MITF: variants seen among roughly 807,000 people sequenced by gnomAD.
The protein encoded by MITF is microphthalmia-associated transcription factor.
In MITF, 17 loss-of-function variants were observed where a neutral mutation model predicts 60.5. The observed-to-expected ratio is 0.28, with a 90% CI of 0.19 to 0.42. The LOEUF (loss-of-function observed/expected upper bound fraction) is 0.42, where lower values mean the gene tolerates loss of function less well. Among genes scored for constraint, MITF ranks in the 10% least tolerant of loss-of-function variants. The pLI is 1.00. For synonymous variants in MITF, 260 were observed against 248.5 expected (o/e 1.05, Z -0.43); for missense variants, 622 against 683.5 (o/e 0.91, Z 1.00).
intron 1 of MITF, among the ~76,000 whole-genome samples, chr3:69,865,443 G>T (rs2064094800): frequency 1.3e-5 from 2 of 152,184 alleles, no homozygotes; most frequent in South Asian, 4.1e-4. Context: ...GGAGCTGCAT[G>T]AATATTTGAT....
At chr3:69,800,587 G>A (rs2062903686) in intron 1 of MITF, among the ~76,000 whole-genome samples, 1 of 152,042 alleles carries the variant, frequency 6.6e-6, no homozygotes, top group Non-Finnish European at 1.5e-5. Flanking sequence ...ATGTGTCAGG[G>A]TGCCAGTTTT....
intron 1 of MITF, among the ~76,000 whole-genome samples, chr3:69,786,351 C>T (rs1336939946): frequency 9.9e-5 from 15 of 152,142 alleles, no homozygotes; most frequent in African/African-American, 4.8e-5. Flanking sequence ...GTCTGCTTTA[C>T]GGGATTGTTG....
intron 2 of MITF, among the ~76,000 whole-genome samples, chr3:69,906,345 G>T (rs750873830): frequency 1.3e-5 from 2 of 152,088 alleles, no homozygotes; most frequent in Admixed American, 6.5e-5. Context: ...CTCTTGATTA[G>T]TGTAGCAAGT....
intron 1 of MITF, among the ~76,000 whole-genome samples, chr3:69,744,819 T>C (rs1258664863): frequency 6.6e-6 from 1 of 152,224 alleles, no homozygotes; most frequent in African/African-American, 2.4e-5. Context: ...GTATCTTTCA[T>C]TTAATCATAA....
chr3:69,941,250 C>T lies in MITF; in HGVS notation c.681C>T (p.Ile227=), dbSNP rs199805128. 1.2e-5 allele frequency: 20 copies of T among 1,609,964 alleles called. No homozygotes were observed. Among genetic ancestry groups the T allele is most frequent in the African/African-American group, 2.7e-5 (2 of 74,888 alleles). ...TTTTCCTACAGATGGATGATGTAAT[C>T]GATGACATCATTAGCCTAGAATCAA... is the stretch of plus-strand genomic sequence containing the variant. ...RASCMQMDDV[I]DDIISLESSY... is the part of the protein sequence containing the mutation. Residue 227 remains isoleucine (I), a synonymous_variant, in exon 5 of 10, where the codon ATC becomes ATT. Transcript: ENST00000352241.
chr3:69,921,433 T>G (rs1204538079), intron 2 of MITF, among the ~76,000 whole-genome samples: 1 of 152,194 alleles, frequency 6.6e-6, no homozygotes, highest in Non-Finnish European at 1.5e-5. Context: ...ACATTAGAAT[T>G]GTTCAGCTTC....
At chr3:69,741,063 C>T (rs969282637) in intron 1 of MITF, among the ~76,000 whole-genome samples, 2 of 152,184 alleles carry the variant, frequency 1.3e-5, no homozygotes, top group African/African-American at 4.8e-5. Flanking sequence ...GCTGAAGACT[C>T]TTTGTAGATG....
chr3:69,964,850 C>T lies in MITF; in HGVS notation c.1183C>T (p.Leu395Phe), dbSNP rs1168723605. ...TTTATCTTTACTCTTATTATAGGAA[C>T]TTGAAATGCAGGCTCGAGCTCATGG... ...NRHLLLRIQE[L>F]EMQARAHGLS... is the part of the protein sequence containing the mutation. The change falls in exon 10 of 10, where the codon CTT (leucine) becomes TTT (phenylalanine). Residue 395 changes from leucine to phenylalanine, a missense_variant. Leu to Phe is a conservative substitution (Grantham distance 22, BLOSUM62 0). Coordinates refer to ENST00000352241, the MANE Select transcript of MITF (RefSeq NM_001354604.2). The T allele has an allele frequency of 1.2e-6, 2 of 1,614,056 alleles. No individual in the cohort carries two copies. Among genetic ancestry groups the T allele is most frequent in the Middle Eastern group, 1.6e-4 (1 of 6,062 alleles).
intron 1 of MITF, among the ~76,000 whole-genome samples, chr3:69,831,719 A>T (rs1411704168): frequency 6.6e-6 from 1 of 152,212 alleles, no homozygotes; most frequent in Non-Finnish European, 1.5e-5. Flanking sequence ...ACAGTTAATC[A>T]ATCAGCAAAT....
chr3:69,875,163 C>T (rs1036997835), intron 1 of MITF, among the ~76,000 whole-genome samples: 13 of 152,232 alleles, frequency 8.5e-5, no homozygotes, highest in Admixed American at 2.6e-4. Context: ...TGAGCTAGCC[C>T]TTGAGTCCAA....
chr3:69,809,438 G>C (rs763004751), intron 1 of MITF, among the ~76,000 whole-genome samples: 3 of 152,096 alleles, frequency 2.0e-5, no homozygotes, highest in African/African-American at 7.2e-5. Flanking sequence ...AAGGAGTTAA[G>C]GTATGGATTC....
chr3:69,899,574 C>G lies in MITF; in HGVS notation c.354+20191C>G, dbSNP rs147136497. ...TGGGTACATGGCACGGAGAAGGATT[C>G]TCATCTCAGGGGGTTATCATTCCCT... On this transcript the variant is annotated intron_variant, in intron 2 of 9. Coordinates refer to ENST00000352241, the MANE Select transcript of MITF (RefSeq NM_001354604.2). 5.2e-4 allele frequency among the ~76,000 whole-genome samples: 79 copies of G among 152,260 alleles called. No individual in the cohort carries two copies. In the East Asian group the frequency reaches 0.015, roughly 29 times the overall value.
At chr3:69,895,179 CATTAGGTTT>C (rs2064847636) in intron 2 of MITF, among the ~76,000 whole-genome samples, 1 of 152,078 alleles carries the variant, frequency 6.6e-6, no homozygotes, top group Non-Finnish European at 1.5e-5. Context: ...TTGAAAGAAA[CATTAGGTTT>C]ATTTTAAGTG....
At chr3:69,848,052 C>T (rs2063761584) in intron 1 of MITF, among the ~76,000 whole-genome samples, 1 of 152,116 alleles carries the variant, frequency 6.6e-6, no homozygotes, top group African/African-American at 2.4e-5. Context: ...GCTTATTTTC[C>T]GTGTAGATAG....
intron 1 of MITF, among the ~76,000 whole-genome samples, chr3:69,755,466 T>C (rs1191906148): frequency 2.8e-5 from 3 of 107,588 alleles, no homozygotes; most frequent in African/African-American, 9.9e-5. Flanking sequence ...TTTTTTTTTT[T>C]TTTTTGGGAA....
intron 2 of MITF, among the ~76,000 whole-genome samples, chr3:69,934,021 A>G (rs1052092094): frequency 1.3e-5 from 2 of 152,182 alleles, no homozygotes; most frequent in African/African-American, 4.8e-5. Flanking sequence ...TTTCTCCAGC[A>G]TCTTCTCAGG....
chr3:69,779,444 C>T (rs1195609491), intron 1 of MITF, among the ~76,000 whole-genome samples: 3 of 152,124 alleles, frequency 2.0e-5, no homozygotes, highest in East Asian at 3.8e-4. Context: ...TTGTGAACTC[C>T]ATGTTGGAGA....
At chr3:69,892,673 C>A (rs1472434271) in intron 2 of MITF, among the ~76,000 whole-genome samples, 2 of 152,178 alleles carry the variant, frequency 1.3e-5, no homozygotes, top group Non-Finnish European at 2.9e-5. Context: ...CTTTTAGAAG[C>A]TACTCTTTTT....
intron 1 of MITF, among the ~76,000 whole-genome samples, chr3:69,863,270 A>G (rs1216545445): frequency 6.6e-6 from 1 of 152,162 alleles, no homozygotes; most frequent in Non-Finnish European, 1.5e-5. Flanking sequence ...TGCACGTAAC[A>G]TCTCATGAAT....
Sources: gnomAD v4.1 joint callset for allele counts (sites outside exome capture counted in the v4.1 genomes callset) on GRCh38, gnomAD v4.1.1 for gene constraint, MANE v1.5 for transcripts, NCBI Gene and HGNC (gene_info 2026-07-23, HGNC 2026-07-21) for gene names.